The following NKAIN2 variants were observed in gnomAD, a reference collection of about 807,000 sequenced individuals.
NKAIN2 encodes sodium/potassium-transporting ATPase subunit beta-1-interacting protein 2.
In NKAIN2, 14 loss-of-function variants were observed where a neutral mutation model predicts 32.6. That is an observed-to-expected ratio of 0.43 (90% confidence interval 0.28 to 0.67). The LOEUF is 0.67. Ranked by LOEUF, NKAIN2 falls within the 30% of genes least tolerant of loss-of-function variation. The pLI, the probability that NKAIN2 is intolerant of heterozygous loss-of-function variation, is 0.17. For synonymous variants in NKAIN2, 80 were observed against 87.2 expected (o/e 0.92, Z 0.46); for missense variants, 198 against 258.3 (o/e 0.77, Z 1.60).
At chr6:124,668,064 G>A (rs1772896713) in intron 4 of NKAIN2, among the ~76,000 whole-genome samples, 1 of 152,020 alleles carries the variant, frequency 6.6e-6, no homozygotes, top group African/African-American at 2.4e-5. Context: ...GTTTCTCTCT[G>A]ACACTTGTCC....
At chr6:123,999,891 C>A (rs903588317) in intron 1 of NKAIN2, among the ~76,000 whole-genome samples, 1 of 151,990 alleles carries the variant, frequency 6.6e-6, no homozygotes, top group African/African-American at 2.4e-5. Flanking sequence ...TAGTTGCTGT[C>A]AATGAGTTTT....
At chr6:123,912,314 T>A (rs1482499530) in intron 1 of NKAIN2, among the ~76,000 whole-genome samples, 1 of 152,002 alleles carries the variant, frequency 6.6e-6, no homozygotes, top group Non-Finnish European at 1.5e-5. Flanking sequence ...ATAAATAATG[T>A]ATATATTTAC....
chr6:124,718,548 C>T (rs888055026), intron 4 of NKAIN2, among the ~76,000 whole-genome samples: 5 of 152,132 alleles, frequency 3.3e-5, no homozygotes, highest in African/African-American at 1.2e-4. Flanking sequence ...CATTTGTGTA[C>T]AACTTTTTGT....
intron 1 of NKAIN2, among the ~76,000 whole-genome samples, chr6:124,161,796 A>T (rs1236176503): frequency 2.0e-5 from 3 of 152,006 alleles, no homozygotes; most frequent in Non-Finnish European, 2.9e-5. Flanking sequence ...ACTACTGGAG[A>T]GGGGAAGGAG....
chr6:124,430,894 A>G lies in NKAIN2; in HGVS notation c.273+75547A>G, dbSNP rs541896302. 2.6e-5 allele frequency among the ~76,000 whole-genome samples: 4 copies of G among 152,252 alleles called. No individual in the cohort carries two copies. In the East Asian group the frequency reaches 5.8e-4, roughly 22 times the overall value. On this transcript the variant is annotated intron_variant, in intron 3 of 6. Transcript: ENST00000368417. ...CGCGCGCGCACATACACACATGCACACACTTCCTTACAAGCTTTCAGTTAC... is the reference window on the plus strand; with the variant it reads ...CGCGCGCGCACATACACACATGCACGCACTTCCTTACAAGCTTTCAGTTAC...
chr6:124,492,715 A>G (rs1459516465), intron 3 of NKAIN2, among the ~76,000 whole-genome samples: 1 of 152,080 alleles, frequency 6.6e-6, no homozygotes, highest in Non-Finnish European at 1.5e-5. Flanking sequence ...ACTATGATAT[A>G]CTTAATGTAA....
At chr6:124,116,291 T>C (rs1027784555) in intron 1 of NKAIN2, among the ~76,000 whole-genome samples, 1 of 152,154 alleles carries the variant, frequency 6.6e-6, no homozygotes, top group Non-Finnish European at 1.5e-5. Flanking sequence ...TTTGGCTGTG[T>C]TGTAAAGTAG....
chr6:124,437,871 G>GGTTTT (rs751652394), intron 3 of NKAIN2: 7,681 of 343,398 alleles, frequency 0.022, 390 homozygotes, highest in African/African-American at 0.075. Context: ...CTGATCTATT[G>GGTTTT]ATTTTTTTTT....
chr6:124,062,646 C>T (rs1237356728), intron 1 of NKAIN2, among the ~76,000 whole-genome samples: 1 of 152,142 alleles, frequency 6.6e-6, no homozygotes, highest in African/African-American at 2.4e-5. Context: ...CCAGGCTGGG[C>T]TCAAACGATA....
chr6:124,259,545 G>T (rs1010871001), intron 1 of NKAIN2, among the ~76,000 whole-genome samples: 8 of 152,104 alleles, frequency 5.3e-5, no homozygotes, highest in Admixed American at 1.3e-4. Flanking sequence ...CATTACTCAA[G>T]GATTTGGTAT....
intron 1 of NKAIN2, among the ~76,000 whole-genome samples, chr6:124,055,711 G>A (rs895228072): frequency 1.3e-5 from 2 of 152,094 alleles, no homozygotes; most frequent in Admixed American, 6.6e-5. Context: ...ATAGCACAAT[G>A]TGGAACATTT....
chr6:124,502,120 C>CAATAT (rs1178284090), intron 3 of NKAIN2, among the ~76,000 whole-genome samples: 2 of 151,760 alleles, frequency 1.3e-5, no homozygotes, highest in African/African-American at 2.4e-5. Context: ...AAATACAATA[C>CAATAT]AATATAATAT....
intron 4 of NKAIN2, among the ~76,000 whole-genome samples, chr6:124,721,925 C>CT (rs777059184): frequency 1.3e-5 from 2 of 152,228 alleles, no homozygotes; most frequent in South Asian, 2.1e-4. Context: ...ATCTCCAGAA[C>CT]TTTTTTTGTC....
chr6:124,723,601 T>C (rs1776133998), intron 4 of NKAIN2, among the ~76,000 whole-genome samples: 1 of 152,190 alleles, frequency 6.6e-6, no homozygotes, highest in South Asian at 2.1e-4. Flanking sequence ...CAGTTTATTA[T>C]GGGAGAAGAC....
At chr6:124,484,775 A>G (rs1459917808) in intron 3 of NKAIN2, among the ~76,000 whole-genome samples, 2 of 152,180 alleles carry the variant, frequency 1.3e-5, no homozygotes, top group Admixed American at 1.3e-4. Flanking sequence ...ACATGCATGT[A>G]TGAATAAATG....
At chr6:124,455,376 C>A (rs895991647) in intron 3 of NKAIN2, among the ~76,000 whole-genome samples, 2 of 151,992 alleles carry the variant, frequency 1.3e-5, no homozygotes, top group Non-Finnish European at 1.5e-5. Flanking sequence ...GTACTACCAG[C>A]TGAAGTGCAG....
intron 1 of NKAIN2, among the ~76,000 whole-genome samples, chr6:123,949,988 A>T (rs1459457831): frequency 6.6e-6 from 1 of 151,980 alleles, no homozygotes; most frequent in Non-Finnish European, 1.5e-5. Flanking sequence ...TAGTTTGTAG[A>T]GAGTTTTTAT....
chr6:123,995,779 G>A (rs896224686), intron 1 of NKAIN2, among the ~76,000 whole-genome samples: 5 of 152,100 alleles, frequency 3.3e-5, no homozygotes, highest in African/African-American at 1.2e-4. Context: ...TGCTGTAATA[G>A]TTACTAAATA....
At chr6:124,713,835 C>G (rs1775618131) in intron 4 of NKAIN2, among the ~76,000 whole-genome samples, 2 of 152,158 alleles carry the variant, frequency 1.3e-5, no homozygotes, top group African/African-American at 4.8e-5. Flanking sequence ...TAGAAGTGAT[C>G]ACTCTATCAA....
Sources: gnomAD v4.1 joint callset for allele counts (sites outside exome capture counted in the v4.1 genomes callset) on GRCh38, gnomAD v4.1.1 for gene constraint, MANE v1.5 for transcripts, NCBI Gene and HGNC (gene_info 2026-07-23, HGNC 2026-07-21) for gene names.